MACROD2: variants seen among roughly 807,000 people sequenced by gnomAD.
MACROD2 encodes the protein mono-ADP ribosylhydrolase 2.
A neutral mutation model predicts 70.4 loss-of-function variants in MACROD2; 36 were observed. The ratio of observed to expected loss-of-function variants is 0.51; its 90% CI spans 0.39 to 0.68. MACROD2 has a LOEUF of 0.68. Ranked by LOEUF, MACROD2 falls within the 30% of genes least tolerant of loss-of-function variation. The probability of loss-of-function intolerance (pLI) is 0.00; values close to 1 mark genes in which losing one functional copy is unlikely to be tolerated. For synonymous variants in MACROD2, 172 were observed against 178.8 expected (o/e 0.96, Z 0.30); for missense variants, 496 against 538.4 (o/e 0.92, Z 0.78).
chr20:14,656,582 C>T (rs1985989638), intron 4 of MACROD2, among the ~76,000 whole-genome samples: 1 of 152,172 alleles, frequency 6.6e-6, no homozygotes, highest in South Asian at 2.1e-4. Flanking sequence ...CTGAACCATG[C>T]TTGTGGAGAA....
intron 3 of MACROD2, among the ~76,000 whole-genome samples, chr20:14,130,450 A>T (rs2054702490): frequency 6.6e-6 from 1 of 152,110 alleles, no homozygotes; most frequent in Non-Finnish European, 1.5e-5. Context: ...CGGGAGGCTG[A>T]GGCAGAGAAT....
At chr20:15,230,898 C>T (rs932481919) in intron 6 of MACROD2, among the ~76,000 whole-genome samples, 15 of 152,160 alleles carry the variant, frequency 9.9e-5, no homozygotes, top group African/African-American at 2.4e-4. Flanking sequence ...TTCCCCCTCC[C>T]CCATATAGAT....
intron 10 of MACROD2, among the ~76,000 whole-genome samples, chr20:15,922,125 G>A (rs2065418487): frequency 6.6e-6 from 1 of 152,246 alleles, no homozygotes; most frequent in Non-Finnish European, 1.5e-5. Flanking sequence ...GGTGCATGCA[G>A]AAATCAGAGG....
intron 6 of MACROD2, among the ~76,000 whole-genome samples, chr20:15,325,442 T>C (rs1568723001): frequency 6.6e-6 from 1 of 152,160 alleles, no homozygotes; most frequent in Non-Finnish European, 1.5e-5. Context: ...TATTTTAAAG[T>C]TTGCCTTCTC....
intron 5 of MACROD2, among the ~76,000 whole-genome samples, chr20:14,728,588 T>G (rs191693466): frequency 1.3e-3 from 196 of 152,306 alleles, no homozygotes; most frequent in African/African-American, 4.5e-3. Context: ...CAGCCAGAGA[T>G]GAGCTCCCGA....
rs1410797235 is a variant in MACROD2, at chr20:14,273,859, A to G, written c.271+188131A>G. Reference sequence around the variant, plus strand: ...ACACAAACTACCATCAGAGAATACTACAAACACCTCTACGCAAATAAACTA... The same window carrying G: ...ACACAAACTACCATCAGAGAATACTGCAAACACCTCTACGCAAATAAACTA... On this transcript the variant is annotated intron_variant, in intron 3 of 17. Transcript: ENST00000684519. 1.3e-4 allele frequency among the ~76,000 whole-genome samples: 20 copies of G among 152,132 alleles called. 2 individuals carry two copies. The highest frequency in any genetic ancestry group is 1.3e-3 in the Admixed American group (20 of 15,280).
intron 2 of MACROD2, among the ~76,000 whole-genome samples, chr20:14,076,097 T>C (rs573172693): frequency 6.6e-6 from 1 of 152,346 alleles, no homozygotes; most frequent in Admixed American, 6.5e-5. Context: ...TATTACTTTG[T>C]TTACTTGATT....
chr20:14,003,444 C>A (rs3842840), intron 2 of MACROD2: 2,070 of 178,370 alleles, frequency 0.012, 18 homozygotes, highest in Non-Finnish European at 0.015. Context: ...CAGCTCTACC[C>A]CACGTTCTAA....
rs1036478537 is a variant in MACROD2, at chr20:15,967,413, A to G, written c.908-140A>G. On this transcript the variant is annotated intron_variant, in intron 12 of 17. Transcript: ENST00000684519. ...GAAAAAAAGCGCCTATTTATTGGCA[A>G]ACATATGTATTTGAGTGGTTATTTT... 7 of 623,734 alleles carry G rather than the reference A, an allele frequency of 1.1e-5. No individual in the cohort carries two copies. In the African/African-American group the frequency reaches 1.2e-4, roughly 10 times the overall value. The allele number at this position is 623,734 out of a possible 1,614,324, so 38.6% of individuals were successfully genotyped here.
intron 8 of MACROD2, among the ~76,000 whole-genome samples, chr20:15,627,546 T>C (rs1434110938): frequency 6.6e-6 from 1 of 151,986 alleles, no homozygotes; most frequent in Non-Finnish European, 1.5e-5. Flanking sequence ...TTGCTGCTGA[T>C]TGGCTGGGGC....
intron 8 of MACROD2, among the ~76,000 whole-genome samples, chr20:15,585,742 C>T (rs2048590610): frequency 6.9e-6 from 1 of 145,160 alleles, no homozygotes; most frequent in African/African-American, 2.6e-5. Context: ...TGTTGGTTGC[C>T]TTCTTTTCCC....
chr20:15,318,588 C>G (rs977306767), intron 6 of MACROD2, among the ~76,000 whole-genome samples: 3 of 152,084 alleles, frequency 2.0e-5, no homozygotes, highest in African/African-American at 7.2e-5. Context: ...TACTAGCAAA[C>G]TCAATTTAAT....
intron 5 of MACROD2, among the ~76,000 whole-genome samples, chr20:15,228,345 T>G (rs763084903): frequency 2.6e-5 from 4 of 152,208 alleles, no homozygotes; most frequent in Admixed American, 6.5e-5. Context: ...TGAGCCCCTC[T>G]TAATATCGGC....
intron 3 of MACROD2, among the ~76,000 whole-genome samples, chr20:14,102,091 C>T (rs1001657819): frequency 6.7e-5 from 10 of 148,972 alleles, no homozygotes; most frequent in Non-Finnish European, 1.2e-4. Context: ...GCAACCTCCG[C>T]CTCCCAGGTT....
chr20:14,803,107 A>G (rs2072598350), intron 5 of MACROD2, among the ~76,000 whole-genome samples: 1 of 152,100 alleles, frequency 6.6e-6, no homozygotes, highest in Non-Finnish European at 1.5e-5. Flanking sequence ...AAGACAAAAC[A>G]GCAGCTCCAG....
chr20:15,116,652 G>A (rs1423546640), intron 5 of MACROD2, among the ~76,000 whole-genome samples: 1 of 152,008 alleles, frequency 6.6e-6, no homozygotes, highest in African/African-American at 2.4e-5. Context: ...GTCTCAAAAA[G>A]GTAGTAAATG....
At chr20:14,896,855 A>T (rs1322882185) in intron 5 of MACROD2, among the ~76,000 whole-genome samples, 1 of 152,072 alleles carries the variant, frequency 6.6e-6, no homozygotes, top group Non-Finnish European at 1.5e-5. Flanking sequence ...ATCACCTTCA[A>T]AAAACTGTTG....
At chr20:15,820,167 C>A (rs2063923858) in intron 8 of MACROD2, among the ~76,000 whole-genome samples, 1 of 152,072 alleles carries the variant, frequency 6.6e-6, no homozygotes, top group Non-Finnish European at 1.5e-5. Context: ...ATCCTCCACC[C>A]CTCTGCCCGT....
rs1667469986 is a variant in MACROD2 at position 15,229,881 on chromosome 20, T to C, written c.419-59T>C. ...CCTAAAATAAATAAAGTATTAATTA[T>C]GTAAAAAAAGTGAAAAATACCTCGC... On this transcript the variant is annotated intron_variant, in intron 5 of 17. Transcript: ENST00000684519. 15 of 1,523,554 alleles carry C rather than the reference T, an allele frequency of 9.8e-6. No individual in the cohort carries two copies. In the South Asian group the frequency reaches 1.7e-4, roughly 17 times the overall value. 94.4% of individuals were successfully genotyped at this position (1,523,554 alleles called of 1,614,324 possible).
Sources: gnomAD v4.1 joint callset for allele counts (sites outside exome capture counted in the v4.1 genomes callset) on GRCh38, gnomAD v4.1.1 for gene constraint, MANE v1.5 for transcripts, NCBI Gene and HGNC (gene_info 2026-07-23, HGNC 2026-07-21) for gene names.